The following THSD7B variants were observed in gnomAD, a reference collection of about 807,000 sequenced individuals.
The protein encoded by THSD7B is thrombospondin type-1 domain-containing protein 7B.
Under a neutral mutation model 213.6 loss-of-function variants are expected in THSD7B, and 138 were observed. The observed-to-expected ratio is 0.65, with a 90% confidence interval of 0.56 to 0.74. The LOEUF (loss-of-function observed/expected upper bound fraction) is 0.74. Ranked by LOEUF, THSD7B falls within the 30% of genes least tolerant of loss-of-function variation. The pLI, the probability that THSD7B is intolerant of heterozygous loss-of-function variation, is 0.00. For synonymous variants in THSD7B, 742 were observed against 687.0 expected, an observed-to-expected ratio of 1.08 and a Z score of -1.25; for missense variants, 1,931 against 1,991.5, an observed-to-expected ratio of 0.97 and a Z score of 0.58.
chr2:137,064,464 T>G (rs1687338854), intron 3 of THSD7B, among the ~76,000 whole-genome samples: 1 of 152,086 alleles, frequency 6.6e-6, no homozygotes, highest in African/African-American at 2.4e-5. Flanking sequence ...GATTTTCTCA[T>G]CAGTTTGTTG....
intron 1 of THSD7B, among the ~76,000 whole-genome samples, chr2:136,857,585 A>G (rs1351127120): frequency 1.3e-5 from 2 of 151,504 alleles, no homozygotes. Flanking sequence ...GCTAATTTAT[A>G]TAATTCATTA....
chr2:137,429,012 A>G (rs567515066), intron 14 of THSD7B, among the ~76,000 whole-genome samples: 1 of 152,322 alleles, frequency 6.6e-6, no homozygotes, highest in South Asian at 2.1e-4. Flanking sequence ...GTTTGCCAGC[A>G]CATTGATCTT....
intron 27 of THSD7B, 60 bp from the exon 28 acceptor site, chr2:137,676,463 TG>T: frequency 7.0e-7 from 1 of 1,423,438 alleles, no homozygotes. Context: ...AAATTGTCTT[TG>T]GCAGATGAAA....
chr2:137,613,826 A>T (rs972287986), intron 17 of THSD7B, among the ~76,000 whole-genome samples: 2 of 152,162 alleles, frequency 1.3e-5, no homozygotes, highest in Admixed American at 6.6e-5. Flanking sequence ...ACACTCCTCC[A>T]TCTCTCTTGT....
intron 4 of THSD7B, among the ~76,000 whole-genome samples, chr2:137,106,233 G>A (rs6430680): frequency 0.99 from 150,558 of 152,278 alleles, 74,445 homozygotes; most frequent in Middle Eastern, 1. Flanking sequence ...GACCTCAGAA[G>A]TAATGCCACA....
intron 5 of THSD7B, among the ~76,000 whole-genome samples, chr2:137,139,823 G>A (rs1453316302): frequency 1.3e-5 from 2 of 152,098 alleles, no homozygotes; most frequent in Non-Finnish European, 2.9e-5. Context: ...AAGAAAAAAG[G>A]TATTTAAATA....
intron 1 of THSD7B, among the ~76,000 whole-genome samples, chr2:136,782,016 G>A (rs1681752129): frequency 6.6e-6 from 1 of 152,206 alleles, no homozygotes; most frequent in African/African-American, 2.4e-5. Context: ...AACTTCCATA[G>A]TGACACGTAA....
intron 12 of THSD7B, among the ~76,000 whole-genome samples, chr2:137,283,842 A>G (rs1369782911): frequency 7.2e-5 from 11 of 152,076 alleles, no homozygotes; most frequent in Admixed American, 6.5e-4. Context: ...TTCATCAAGG[A>G]TATTGGTCTA....
intron 15 of THSD7B, among the ~76,000 whole-genome samples, chr2:137,509,322 CTCTT>C (rs373511175): frequency 8.1e-4 from 111 of 137,622 alleles, no homozygotes; most frequent in African/African-American, 2.2e-3. Flanking sequence ...TCTTTCTTTT[CTCTT>C]TCTTTCTTTC....
At chr2:136,914,342 G>A (rs1684316372) in intron 2 of THSD7B, among the ~76,000 whole-genome samples, 1 of 152,184 alleles carries the variant, frequency 6.6e-6, no homozygotes, top group South Asian at 2.1e-4. Context: ...TGTCTCAGAT[G>A]AGACATTAGA....
At chr2:137,609,404 G>A (rs1435832515) in intron 17 of THSD7B, among the ~76,000 whole-genome samples, 1 of 152,216 alleles carries the variant, frequency 6.6e-6, no homozygotes, top group Admixed American at 6.5e-5. Flanking sequence ...AAGGCTTTGA[G>A]CAGTGGTGAC....
chr2:137,420,933 GTTGCATTCC>G (rs1686910405), intron 14 of THSD7B, among the ~76,000 whole-genome samples: 1 of 152,148 alleles, frequency 6.6e-6, no homozygotes, highest in African/African-American at 2.4e-5. Flanking sequence ...CCTTTCTAGA[GTTGCATTCC>G]TTGCATTCCT....
intron 1 of THSD7B, among the ~76,000 whole-genome samples, chr2:136,771,158 A>T (rs189731679): frequency 2.6e-5 from 4 of 152,224 alleles, no homozygotes; most frequent in Admixed American, 2.6e-4. Context: ...TTCAGAATTA[A>T]CTCAATTTAT....
chr2:137,464,245 A>G (rs566079409), intron 15 of THSD7B, among the ~76,000 whole-genome samples: 1 of 152,056 alleles, frequency 6.6e-6, no homozygotes, highest in Admixed American at 6.6e-5. Context: ...CCCTCAAAAC[A>G]TATACTACTC....
At chr2:137,337,547 T>C (rs764769590) in intron 12 of THSD7B, among the ~76,000 whole-genome samples, 7 of 152,152 alleles carry the variant, frequency 4.6e-5, no homozygotes, top group Non-Finnish European at 8.8e-5. Context: ...ACAAATTTTC[T>C]CTTGTAATTA....
At chr2:136,793,988 A>G (rs1682014485) in intron 1 of THSD7B, among the ~76,000 whole-genome samples, 1 of 151,206 alleles carries the variant, frequency 6.6e-6, no homozygotes, top group Non-Finnish European at 1.5e-5. Flanking sequence ...TTGTGAATGT[A>G]TCCCTTTCAT....
At chr2:137,062,831 T>C (rs2104883000) in intron 3 of THSD7B, among the ~76,000 whole-genome samples, 1 of 151,986 alleles carries the variant, frequency 6.6e-6, no homozygotes, top group East Asian at 1.9e-4. Context: ...AGTTGATTGA[T>C]GGTGCTGTTC....
At chr2:137,091,019 C>T (rs574088379) in intron 3 of THSD7B, among the ~76,000 whole-genome samples, 1 of 152,098 alleles carries the variant, frequency 6.6e-6, no homozygotes, top group East Asian at 1.9e-4. Flanking sequence ...CAACATGTTA[C>T]CTTTTATTAT....
At chr2:136,924,629 AT>A (rs201012566) in intron 2 of THSD7B, among the ~76,000 whole-genome samples, 13 of 151,794 alleles carry the variant, frequency 8.6e-5, no homozygotes, top group Admixed American at 2.6e-4. Context: ...CCTTGGCCTT[AT>A]TTTTTTTCAA....
Sources: gnomAD v4.1 joint callset for allele counts (sites outside exome capture counted in the v4.1 genomes callset) on GRCh38, gnomAD v4.1.1 for gene constraint, MANE v1.5 for transcripts, NCBI Gene and HGNC (gene_info 2026-07-23, HGNC 2026-07-21) for gene names.